Variants in ZNF669 observed in about 807,000 individuals in gnomAD.
ZNF669 encodes zinc finger protein 669.
A neutral mutation model predicts 11.4 loss-of-function variants in ZNF669; 7 were observed. The ratio of observed to expected loss-of-function variants is 0.62; its 90% CI spans 0.35 to 1.16. The LOEUF is 1.16. Among genes scored for constraint, ZNF669 ranks in the 50% most tolerant of loss-of-function variants. The pLI is 0.02. For missense variants in ZNF669, 492 were observed against 463.6 expected (o/e 1.06, Z -0.56); for synonymous variants, 153 against 155.8 (o/e 0.98, Z 0.13).
rs1671702940 is a variant in ZNF669, at chr1:247,100,714, T to C, written c.797A>G (p.His266Arg). 1.2e-6 allele frequency: 2 copies of C among 1,614,216 alleles called. No homozygotes were observed. Among genetic ancestry groups the C allele is most frequent in the Non-Finnish European group, 1.7e-6 (2 of 1,180,040 alleles). ...AFSCSTSLRY[H>R]GSIHTGERPY... ...TCTCTCTCCAGTATGAATGCTTCCA[T>C]GGTAACGAAGGGAAGTGGAACAGCT... Residue 266 changes from histidine (H) to arginine (R), a missense_variant, in exon 4 of 4, where the codon CAT (histidine) becomes CGT (arginine). By Grantham distance (29) the His-to-Arg change is conservative (BLOSUM62 0). Transcript: ENST00000448299.
rs1671735948 is a variant in ZNF669, at chr1:247,102,040, T to C, written c.77A>G (p.Lys26Arg). 6.2e-7 allele frequency: 1 copy of C among 1,613,516 alleles called. No individual in the cohort carries two copies. The highest frequency in any genetic ancestry group is 1.7e-5 in the Admixed American group (1 of 59,892). ...CTGCATCACTTCTCTGTAGAGATTC[T>C]TCTGAGAAGAATCTAGCAAAGCCCA... is the stretch of plus-strand genomic sequence containing the variant. ...EEWALLDSSQ[K>R]NLYREVMQET... is the part of the protein sequence containing the mutation. The change falls in exon 2 of 4, where the codon AAG becomes AGG. Residue 26 changes from lysine to arginine, a missense_variant. Transcript: ENST00000448299.
rs1346559839 is a variant in ZNF669 at position 247,100,462 on chromosome 1, T to C, written c.1049A>G (p.His350Arg). ...AGCCTCTATATCATGACTTCTTTCATGGCGAGTAAGGTGACTGGAACGAGT... is the reference window on the plus strand; with the variant it reads ...AGCCTCTATATCATGACTTCTTTCACGGCGAGTAAGGTGACTGGAACGAGT... ...AYTRSSHLTR[H>R]ERSHDIEAGC... The change falls in exon 4 of 4, where the codon CAT becomes CGT. Residue 350 changes from histidine (H) to arginine (R), a missense_variant. Transcript: ENST00000448299. 3 of 1,614,244 alleles carry C rather than the reference T, an allele frequency of 1.9e-6. No homozygotes were observed. Among genetic ancestry groups the C allele is most frequent in the East Asian group, 2.2e-5 (1 of 44,888 alleles).
In ZNF669 at chr1:247,101,999, G is replaced by C; in HGVS notation, c.118C>G (p.Leu40Val). 6.2e-7 allele frequency: 1 copy of C among 1,613,968 alleles called. No individual in the cohort carries two copies. Among genetic ancestry groups the C allele is most frequent in the Non-Finnish European group, 8.5e-7 (1 of 1,179,950 alleles). ...TTGTCATTCTTACCTACAGAAGCCA[G>C]GTTCCTGCAGGTTTCCTGCATCACT... is the stretch of plus-strand genomic sequence containing the variant. Reference protein sequence around the residue: ...REVMQETCRNLASVGSQWKDQ... With the variant: ...REVMQETCRNVASVGSQWKDQ... The change falls in exon 2 of 4, where the codon CTG (leucine) becomes GTG (valine). Residue 40 changes from leucine to valine, a missense_variant. Transcript: ENST00000448299.
intron 1 of ZNF669, among the ~76,000 whole-genome samples, chr1:247,103,632 C>CAAAAAAAA (rs58671011): frequency 2.0e-5 from 1 of 49,980 alleles, no homozygotes; most frequent in Non-Finnish European, 4.3e-5. Flanking sequence ...ATTCCGTCTC[C>CAAAAAAAA]AAAAAAAAAA....
chr1:247,101,877 C>G, intron 2 of ZNF669, 86 bp from the exon 3 acceptor site: 1 of 1,599,690 alleles, frequency 6.3e-7, no homozygotes, highest in Non-Finnish European at 8.6e-7. Flanking sequence ...ACACAGTGCC[C>G]ATGCCTGATT....
chr1:247,103,977 G>GC, intron 1 of ZNF669: 1 of 1,603,820 alleles, frequency 6.2e-7, no homozygotes, highest in East Asian at 2.3e-5. Flanking sequence ...CAGGGCTCCG[G>GC]CCGGCGGAAG....
chr1:247,100,325 C>T lies in ZNF669; in HGVS notation c.*49G>A. 1 of 1,123,984 alleles carries T rather than the reference C, an allele frequency of 8.9e-7. No homozygotes were observed. Among genetic ancestry groups the T allele is most frequent in the South Asian group, 1.5e-5 (1 of 68,666 alleles). The allele number at this position is 1,123,984 out of a possible 1,614,324, so 69.6% of individuals were successfully genotyped here. A position where few individuals can be genotyped will look rare whatever the true frequency, so the allele number is the denominator to read the frequency against. ...AAAGACAGGGTTTCACCATGTTGCC[C>T]AGGTTGTTTCACATTGTTTTAATCC... On this transcript the variant is annotated 3_prime_UTR_variant, in exon 4 of 4. Coordinates refer to ENST00000448299, the MANE Select transcript of ZNF669 (RefSeq NM_001142572.2).
intron 1 of ZNF669, among the ~76,000 whole-genome samples, chr1:247,102,567 G>C (rs1170201502): frequency 6.6e-6 from 1 of 152,188 alleles, no homozygotes; most frequent in Non-Finnish European, 1.5e-5. Context: ...TAAGTAATAA[G>C]AATGACTCAC....
At position 247,100,206 on chromosome 1, in the gene ZNF669, G is replaced by A. The variant is rs140375048; in HGVS notation, c.*168C>T. The A allele has an allele frequency of 0.035, 19,770 of 566,492 alleles. 545 individuals carry two copies. The highest frequency in any genetic ancestry group is 0.11 in the Admixed American group (3,303 of 29,486). The allele number at this position is 566,492 out of a possible 1,614,324, so 35.1% of individuals were successfully genotyped here. On this transcript the variant is annotated 3_prime_UTR_variant, in exon 4 of 4. Transcript: ENST00000448299. ...TCACCGTGTTGGCCAGGATGGTCTC[G>A]ATCTCCTGACCTCGTGATCCACCCG... is the stretch of plus-strand genomic sequence containing the variant.
At chr1:247,103,894 G>T in intron 1 of ZNF669, 1 of 1,533,440 alleles carries the variant, frequency 6.5e-7, no homozygotes, top group Admixed American at 2.2e-5. Flanking sequence ...CCGAGACACC[G>T]AGTCGGGGCT....
chr1:247,102,762 G>A (rs1671749135), intron 1 of ZNF669, among the ~76,000 whole-genome samples: 1 of 152,160 alleles, frequency 6.6e-6, no homozygotes, highest in South Asian at 2.1e-4. Flanking sequence ...TTGGGGAGTT[G>A]AGCCCATTCC....
chr1:247,104,011 A>C, intron 1 of ZNF669, 186 bp downstream of exon 1: 1 of 1,599,738 alleles, frequency 6.3e-7, no homozygotes, highest in Non-Finnish European at 8.5e-7. Context: ...TACAGACAGG[A>C]TGCAGGGGTT....
At chr1:247,104,035 CGCCCG>C (rs745950025) in intron 1 of ZNF669, 157 bp downstream of exon 1, 7 of 1,586,050 alleles carry the variant, frequency 4.4e-6, no homozygotes, top group African/African-American at 4.0e-5. Flanking sequence ...CTGCCCGCCC[CGCCCG>C]GCCCGGCCCT....
chr1:247,104,327 A>T lies in ZNF669; in HGVS notation c.-128T>A. On this transcript the variant is annotated 5_prime_UTR_variant, in exon 1 of 4. Coordinates refer to ENST00000448299, the MANE Select transcript of ZNF669 (RefSeq NM_001142572.2). Reference sequence around the variant, plus strand: ...CCAAGAACTAGCAGCGGAGACTAACAGGAAGAGCCGGCTCCGGCGAAGGAG... The same window carrying T: ...CCAAGAACTAGCAGCGGAGACTAACTGGAAGAGCCGGCTCCGGCGAAGGAG... 1 of 1,273,986 alleles carries T rather than the reference A, an allele frequency of 7.8e-7. No individual in the cohort carries two copies. Among genetic ancestry groups the T allele is most frequent in the Non-Finnish European group, 1.0e-6 (1 of 973,034 alleles). 78.9% of individuals were successfully genotyped at this position (1,273,986 alleles called of 1,614,324 possible).
At chr1:247,101,710 C>G in intron 3 of ZNF669, 21 bp downstream of exon 3, 1 of 1,609,242 alleles carries the variant, frequency 6.2e-7, no homozygotes, top group Non-Finnish European at 8.5e-7. Flanking sequence ...GACTTTATTT[C>G]CTCTGCTCAG....
At chr1:247,103,968 A>T in intron 1 of ZNF669, 2 of 1,604,478 alleles carry the variant, frequency 1.2e-6, no homozygotes, top group Non-Finnish European at 8.5e-7. Flanking sequence ...GGTTCCCGAC[A>T]GGGCTCCGGC....
chr1:247,102,026 C>T lies in ZNF669; in HGVS notation c.91G>A (p.Glu31Lys). The change falls in exon 2 of 4, where the codon GAA (glutamate) becomes AAA (lysine). Residue 31 changes from glutamate to lysine, a missense_variant. Transcript: ENST00000448299. ...TTCCTGCAGGTTTCCTGCATCACTTCTCTGTAGAGATTCTTCTGAGAAGAA... is the reference window on the plus strand; with the variant it reads ...TTCCTGCAGGTTTCCTGCATCACTTTTCTGTAGAGATTCTTCTGAGAAGAA... Reference protein sequence around the residue: ...LDSSQKNLYREVMQETCRNLA... With the variant: ...LDSSQKNLYRKVMQETCRNLA... 2 of 1,613,898 alleles carry T rather than the reference C, an allele frequency of 1.2e-6. No individual in the cohort carries two copies. Among genetic ancestry groups the T allele is most frequent in the Non-Finnish European group, 1.7e-6 (2 of 1,179,914 alleles).
chr1:247,100,236 G>A lies in ZNF669; in HGVS notation c.*138C>T, dbSNP rs1403856331. 12 of 607,770 alleles carry A rather than the reference G, an allele frequency of 2.0e-5. No individual in the cohort carries two copies. Among genetic ancestry groups the A allele is most frequent in the Non-Finnish European group, 2.8e-5 (10 of 351,894 alleles). The allele number at this position is 607,770 out of a possible 1,614,324, so 37.6% of individuals were successfully genotyped here. On this transcript the variant is annotated 3_prime_UTR_variant, in exon 4 of 4. Coordinates refer to ENST00000448299, the MANE Select transcript of ZNF669 (RefSeq NM_001142572.2). ...CCTGACCTCGTGATCCACCCGCCTC[G>A]GCCTCCCAAAGTGCTGGGATTACAG...
In ZNF669 at chr1:247,101,314, T is replaced by C. The variant is rs201948970; in HGVS notation, c.197A>G (p.His66Arg). ...ACTTTCACACAGTCTCTGTACGATA[T>C]GATTTCTGTAAAAAAATGACAAGCA... ...FEKPGKDIRN[H>R]IVQRLCESKE... The change falls in exon 4 of 4, where the codon CAT becomes CGT. Residue 66 changes from histidine to arginine, a missense_variant. Coordinates refer to ENST00000448299, the MANE Select transcript of ZNF669 (RefSeq NM_001142572.2). The C allele has an allele frequency of 5.4e-5, 84 of 1,548,962 alleles. 2 individuals are homozygous for C. The South Asian group carries it at 8.4e-4, about 16-fold the overall frequency.
Sources: gnomAD v4.1 joint callset for allele counts (sites outside exome capture counted in the v4.1 genomes callset) on GRCh38, gnomAD v4.1.1 for gene constraint, MANE v1.5 for transcripts, NCBI Gene and HGNC (gene_info 2026-07-23, HGNC 2026-07-21) for gene names.